The following TMEM132C variants were observed in gnomAD, a reference collection of about 807,000 sequenced individuals.
TMEM132C encodes the protein protein phosphatase 1, regulatory subunit 152.
Under a neutral mutation model 61.4 loss-of-function variants are expected in TMEM132C, and 29 were observed. That is an observed-to-expected ratio of 0.47 (90% CI 0.35 to 0.64). TMEM132C has a LOEUF of 0.64. Ranked by LOEUF, TMEM132C falls within the 30% of genes least tolerant of loss-of-function variation. The pLI is 0.00. For synonymous variants in TMEM132C, 656 were observed against 633.1 expected, an observed-to-expected ratio of 1.04 and a Z score of -0.54; for missense variants, 1,408 against 1,476.9, an observed-to-expected ratio of 0.95 and a Z score of 0.76.
chr12:128,534,530 C>A (rs1873448170), intron 2 of TMEM132C, among the ~76,000 whole-genome samples: 1 of 152,248 alleles, frequency 6.6e-6, no homozygotes, highest in South Asian at 2.1e-4. Context: ...CCTCCAGAAG[C>A]AGGGCTGGAA....
chr12:128,588,953 G>A (rs1394682423), intron 3 of TMEM132C, among the ~76,000 whole-genome samples: 1 of 152,192 alleles, frequency 6.6e-6, no homozygotes, highest in Non-Finnish European at 1.5e-5. Context: ...ACCGTGCAAT[G>A]CCGCTGCTGA....
chr12:128,572,083 T>G (rs894849531), intron 3 of TMEM132C, among the ~76,000 whole-genome samples: 1 of 151,316 alleles, frequency 6.6e-6, no homozygotes, highest in East Asian at 2.0e-4. Context: ...GCCAGGCCTG[T>G]GTCACATGCC....
chr12:128,309,701 A>G (rs1022720486), intron 1 of TMEM132C, among the ~76,000 whole-genome samples: 1 of 150,700 alleles, frequency 6.6e-6, no homozygotes, highest in Non-Finnish European at 1.5e-5. Flanking sequence ...GCTGTAAAAT[A>G]TATCAGCTCT....
chr12:128,544,218 A>G (rs1273110354), intron 3 of TMEM132C, 115 bp downstream of exon 3: 1 of 1,367,680 alleles, frequency 7.3e-7, no homozygotes, highest in Non-Finnish European at 9.6e-7. Flanking sequence ...GGAGCTATTG[A>G]ACCCACCACG....
chr12:128,350,365 G>C (rs979322160), intron 1 of TMEM132C, among the ~76,000 whole-genome samples: 6 of 152,156 alleles, frequency 3.9e-5, no homozygotes, highest in Non-Finnish European at 7.3e-5. Context: ...AGGGGGCAAA[G>C]CAATGCTGTA....
chr12:128,482,678 A>T (rs1202261143), intron 2 of TMEM132C, among the ~76,000 whole-genome samples: 1 of 151,566 alleles, frequency 6.6e-6, no homozygotes, highest in Non-Finnish European at 1.5e-5. Context: ...CAGGGATTCG[A>T]CTTCTTCCTG....
At chr12:128,451,898 G>C (rs1045267965) in intron 2 of TMEM132C, among the ~76,000 whole-genome samples, 53 of 151,532 alleles carry the variant, frequency 3.5e-4, no homozygotes, top group African/African-American at 1.3e-3. Context: ...ACACTTTATG[G>C]GTAGGTGGAC....
rs1194478800 is a variant in TMEM132C, at chr12:128,630,262, A to T, written c.1305+13927A>T. On this transcript the variant is annotated intron_variant, in intron 4 of 8. Transcript: ENST00000435159. This position sits in a 1 kb window ranked among gnomAD's most constrained non-coding sequence, Gnocchi z 4.3. ...GCACTGCCCTGGGTCCAGGGTTGCC[A>T]CACTGACGGCCCATGAGGGTCACTA... Among the ~76,000 whole-genome samples, 1 of 152,156 alleles carries T rather than the reference A, an allele frequency of 6.6e-6. No homozygotes were observed. The highest frequency in any genetic ancestry group is 2.4e-5 in the African/African-American group (1 of 41,452).
intron 2 of TMEM132C, among the ~76,000 whole-genome samples, chr12:128,436,641 A>G (rs1433129127): frequency 6.6e-6 from 1 of 152,184 alleles, no homozygotes; most frequent in Non-Finnish European, 1.5e-5. Flanking sequence ...AAAAGTCAGG[A>G]AACAACAGGT....
intron 5 of TMEM132C, 138 bp downstream of exon 5, chr12:128,669,698 A>T (rs746331999): frequency 1.9e-5 from 21 of 1,101,074 alleles, no homozygotes; most frequent in Non-Finnish European, 2.6e-5. Context: ...CAGCTGATCC[A>T]CTCAACGTGT....
chr12:128,575,906 C>T (rs1183784401), intron 3 of TMEM132C, among the ~76,000 whole-genome samples: 1 of 152,170 alleles, frequency 6.6e-6, no homozygotes, highest in Admixed American at 6.5e-5. Flanking sequence ...CAATATGTGG[C>T]CACTAAGTTA....
intron 1 of TMEM132C, among the ~76,000 whole-genome samples, chr12:128,402,044 C>G (rs1875179577): frequency 6.6e-6 from 1 of 152,136 alleles, no homozygotes; most frequent in Admixed American, 6.5e-5. Flanking sequence ...GATGTCATCA[C>G]AGGGGTCCCT....
chr12:128,475,045 A>G (rs116544482), intron 2 of TMEM132C, among the ~76,000 whole-genome samples: 11,015 of 152,174 alleles, frequency 0.072, 446 homozygotes, highest in Middle Eastern at 0.11. Context: ...GAAGGGAACG[A>G]GGCAGGGACG....
At chr12:128,655,179 T>TCCGTCAGGGCTGCC (rs1255141920) in intron 4 of TMEM132C, among the ~76,000 whole-genome samples, 2 of 152,196 alleles carry the variant, frequency 1.3e-5, no homozygotes, top group Non-Finnish European at 2.9e-5. Context: ...CCTGGTCTGC[T>TCCGTCAGGGCTGCC]CCGTCAGGGC....
At chr12:128,583,274 G>A (rs141577631) in intron 3 of TMEM132C, among the ~76,000 whole-genome samples, 158 of 144,896 alleles carry the variant, frequency 1.1e-3, no homozygotes, top group African/African-American at 3.5e-3. Flanking sequence ...TGCCAACATC[G>A]TACACTATAC....
chr12:128,478,815 A>G (rs554788727), intron 2 of TMEM132C, among the ~76,000 whole-genome samples: 3 of 152,328 alleles, frequency 2.0e-5, no homozygotes, highest in Non-Finnish European at 2.9e-5. Flanking sequence ...TCAACGACTT[A>G]TGCCAAGAGA....
intron 1 of TMEM132C, among the ~76,000 whole-genome samples, chr12:128,285,721 TTCTCTC>T (rs765947333): frequency 9.4e-5 from 8 of 85,016 alleles, no homozygotes; most frequent in South Asian, 9.6e-4. Flanking sequence ...CTTTCTCTCT[TTCTCTC>T]TCTCTCTCTC....
At chr12:128,341,078 T>C (rs1172069491) in intron 1 of TMEM132C, among the ~76,000 whole-genome samples, 1 of 151,930 alleles carries the variant, frequency 6.6e-6, no homozygotes, top group African/African-American at 2.4e-5. Flanking sequence ...GTAGCTGGGA[T>C]TACAGGTACC....
At chr12:128,344,727 G>C (rs960908548) in intron 1 of TMEM132C, among the ~76,000 whole-genome samples, 3 of 152,066 alleles carry the variant, frequency 2.0e-5, no homozygotes, top group Non-Finnish European at 4.4e-5. Context: ...TAATGATGCT[G>C]AGCATCTTTT....
Sources: allele counts gnomAD v4.1 joint callset (sites outside exome capture counted in the v4.1 genomes callset), GRCh38; gene constraint gnomAD v4.1.1; non-coding constraint Gnocchi (gnomAD v3.1); transcripts MANE v1.5; gene names NCBI Gene and HGNC (gene_info 2026-07-23, HGNC 2026-07-21).